The following KCNIP4 variants were observed in gnomAD, a reference collection of about 807,000 sequenced individuals.
KCNIP4 encodes the protein potassium voltage-gated channel interacting protein 4.
In KCNIP4, 12 loss-of-function variants were observed where a neutral mutation model predicts 34.0. That is an observed-to-expected ratio of 0.35 (90% CI 0.23 to 0.57). The LOEUF is 0.57. Among genes scored for constraint, KCNIP4 ranks in the 20% least tolerant of loss-of-function variants. KCNIP4 has a pLI of 0.83. For synonymous variants in KCNIP4, 124 were observed against 102.2 expected, an observed-to-expected ratio of 1.21 and a Z score of -1.29; for missense variants, 238 against 311.7, an observed-to-expected ratio of 0.76 and a Z score of 1.78.
intron 1 of KCNIP4, among the ~76,000 whole-genome samples, chr4:21,432,172 A>T (rs1243124932): frequency 1.4e-5 from 2 of 139,352 alleles, no homozygotes; most frequent in African/African-American, 5.2e-5. Flanking sequence ...ATGGTGGCAG[A>T]AACAGTAACC....
intron 1 of KCNIP4, among the ~76,000 whole-genome samples, chr4:21,779,116 G>A (rs1277300000): frequency 6.6e-6 from 1 of 151,338 alleles, no homozygotes; most frequent in East Asian, 1.9e-4. Flanking sequence ...GGATTCCACT[G>A]TGATGAAAAA....
chr4:21,552,458 A>G (rs902068242), intron 1 of KCNIP4, among the ~76,000 whole-genome samples: 15 of 152,164 alleles, frequency 9.9e-5, no homozygotes, highest in African/African-American at 3.4e-4. Flanking sequence ...GAACTATTTT[A>G]AGCACCTAAA....
chr4:21,066,711 A>C (rs1051900566), intron 1 of KCNIP4, among the ~76,000 whole-genome samples: 3 of 152,178 alleles, frequency 2.0e-5, no homozygotes, highest in Admixed American at 6.5e-5. Context: ...CCCTAGCCAG[A>C]GGCAAATTGC....
chr4:21,002,957 A>G (rs1261347085), intron 1 of KCNIP4, among the ~76,000 whole-genome samples: 1 of 152,192 alleles, frequency 6.6e-6, no homozygotes, highest in African/African-American at 2.4e-5. Flanking sequence ...TGACACTGGT[A>G]TAAACATCCC....
chr4:21,545,653 T>G (rs954163699), intron 1 of KCNIP4, among the ~76,000 whole-genome samples: 22 of 152,256 alleles, frequency 1.4e-4, no homozygotes, highest in African/African-American at 3.6e-4. Context: ...TCTGTTCCTG[T>G]GTTAGTTTGC....
chr4:21,837,256 A>T (rs374871905), intron 1 of KCNIP4, among the ~76,000 whole-genome samples: 5 of 148,680 alleles, frequency 3.4e-5, no homozygotes, highest in African/African-American at 1.2e-4. Flanking sequence ...AGGCATGGCC[A>T]AGGGCGGTGG....
intron 1 of KCNIP4, among the ~76,000 whole-genome samples, chr4:20,935,427 C>CA (rs913694362): frequency 1.3e-4 from 20 of 152,164 alleles, no homozygotes; most frequent in Non-Finnish European, 1.5e-5. Context: ...CTTAGATACT[C>CA]AAACTGTCTC....
rs1329017385 is a variant in KCNIP4, at chr4:20,729,245, A to G, written c.*837T>C. ...CATTACTATATACTGGAGGATAGAT[A>G]TCCTGACCCTTTGCATATGTCTGTA... On this transcript the variant is annotated 3_prime_UTR_variant, in exon 9 of 9. Transcript: ENST00000382152. The G allele has an allele frequency of 6.6e-6, 1 of 152,172 alleles. No homozygotes were observed. 9.4% of individuals were successfully genotyped at this position (152,172 alleles called of 1,614,324 possible).
intron 1 of KCNIP4, among the ~76,000 whole-genome samples, chr4:21,215,585 C>T (rs1211999699): frequency 6.6e-6 from 1 of 152,122 alleles, no homozygotes; most frequent in Non-Finnish European, 1.5e-5. Flanking sequence ...GCACATTATA[C>T]CATTTCACTG....
chr4:20,934,031 C>T (rs760897112), intron 1 of KCNIP4, among the ~76,000 whole-genome samples: 1 of 152,154 alleles, frequency 6.6e-6, no homozygotes, highest in African/African-American at 2.4e-5. Flanking sequence ...GAAGCAGGTA[C>T]TTTATTCAAG....
At chr4:21,373,839 G>T (rs1720718372) in intron 1 of KCNIP4, among the ~76,000 whole-genome samples, 1 of 146,722 alleles carries the variant, frequency 6.8e-6, no homozygotes, top group African/African-American at 2.7e-5. Flanking sequence ...CCGAGTAACT[G>T]GGATTACAGG....
chr4:21,337,581 A>G (rs1716303730), intron 1 of KCNIP4, among the ~76,000 whole-genome samples: 1 of 152,206 alleles, frequency 6.6e-6, no homozygotes, highest in Admixed American at 6.5e-5. Context: ...AGAACCTGAT[A>G]GAATTTTAGT....
rs139660238 is a variant in KCNIP4 at position 21,857,879 on chromosome 4, C to A, written c.61+90692G>T. Among the ~76,000 whole-genome samples the A allele has an allele frequency of 5.5e-3, 841 of 152,292 alleles. 9 individuals carry two copies. Among genetic ancestry groups the A allele is most frequent in the African/African-American group, 0.019 (777 of 41,564 alleles). On this transcript the variant is annotated intron_variant, in intron 1 of 8. Coordinates refer to ENST00000382152, the MANE Select transcript of KCNIP4 (RefSeq NM_025221.6). ...AGGGAGCCCAGACTTAGCTCCCAAG[C>A]CAGGGCTGTGACACCCTCTTTGGGG...
At chr4:21,275,640 T>G (rs1209741885) in intron 1 of KCNIP4, among the ~76,000 whole-genome samples, 1 of 151,502 alleles carries the variant, frequency 6.6e-6, no homozygotes, top group Non-Finnish European at 1.5e-5. Flanking sequence ...AGCAAGGAAA[T>G]CTAGCATAAC....
chr4:20,746,263 A>G (rs991972361), intron 5 of KCNIP4, among the ~76,000 whole-genome samples: 8 of 152,154 alleles, frequency 5.3e-5, no homozygotes, highest in Admixed American at 1.3e-4. Flanking sequence ...TCAGCAAACT[A>G]TCATGAGAAC....
At chr4:20,813,871 T>A (rs1197308594) in intron 3 of KCNIP4, among the ~76,000 whole-genome samples, 1 of 152,210 alleles carries the variant, frequency 6.6e-6, no homozygotes, top group Non-Finnish European at 1.5e-5. Context: ...ATTAATTATT[T>A]GCCGACAATT....
chr4:21,025,553 T>TTTTTTG (rs1740471604), intron 1 of KCNIP4, among the ~76,000 whole-genome samples: 1 of 48,970 alleles, frequency 2.0e-5, no homozygotes, highest in African/African-American at 7.2e-5. Flanking sequence ...GTTTTTTTTT[T>TTTTTTG]TTTTTTTTTT....
rs1014153187 is a variant in KCNIP4, at chr4:21,405,420, G to T, written c.62-522711C>A. Among the ~76,000 whole-genome samples, 7 of 152,238 alleles carry T rather than the reference G, an allele frequency of 4.6e-5. No homozygotes were observed. In the South Asian group the frequency reaches 1.5e-3, roughly 32 times the overall value. On this transcript the variant is annotated intron_variant, in intron 1 of 8. Transcript: ENST00000382152. The stretch of plus-strand genomic sequence containing the variant: ...AACAAAAAAAAACCTCTGACAGTTT[G>T]TCCTTTAAACTAGAACCTCTCAAAC...
chr4:20,985,744 T>A (rs1736509084), intron 1 of KCNIP4, among the ~76,000 whole-genome samples: 1 of 152,042 alleles, frequency 6.6e-6, no homozygotes, highest in Non-Finnish European at 1.5e-5. Flanking sequence ...CGCGGTACAG[T>A]GGGAAAACAA....
Sources: gnomAD v4.1 joint callset for allele counts (sites outside exome capture counted in the v4.1 genomes callset) on GRCh38, gnomAD v4.1.1 for gene constraint, MANE v1.5 for transcripts, NCBI Gene and HGNC (gene_info 2026-07-23, HGNC 2026-07-21) for gene names.